The following TRAPPC9 variants were observed in gnomAD, a reference collection of about 807,000 sequenced individuals.
TRAPPC9 encodes trafficking protein particle complex subunit 9, also known as IKK2 binding protein.
TRAPPC9 carries 83 observed loss-of-function variants against 124.0 expected under a neutral mutation model. The ratio of observed to expected loss-of-function variants is 0.67; its 90% confidence interval spans 0.56 to 0.80. TRAPPC9 has a LOEUF of 0.80. Among genes scored for constraint, TRAPPC9 ranks in the 30% least tolerant of loss-of-function variants. The pLI, the probability that TRAPPC9 is intolerant of heterozygous loss-of-function variation, is 0.00. For synonymous variants in TRAPPC9, 638 were observed against 617.5 expected (o/e 1.03, Z -0.49); for missense variants, 1,302 against 1,508.3 (o/e 0.86, Z 2.27).
intron 7 of TRAPPC9, among the ~76,000 whole-genome samples, chr8:140,390,066 G>A (rs1012210893): frequency 1.3e-5 from 2 of 152,166 alleles, no homozygotes; most frequent in Non-Finnish European, 2.9e-5. Context: ...CACTTTGGGA[G>A]GCCGAGGCAG....
intron 17 of TRAPPC9, among the ~76,000 whole-genome samples, chr8:140,215,667 G>A (rs894376656): frequency 6.7e-6 from 1 of 149,126 alleles, no homozygotes; most frequent in Non-Finnish European, 1.5e-5. Flanking sequence ...AAAAGGAAAA[G>A]ACAAAGATTC....
At chr8:139,801,918 G>T (rs74361131) in intron 21 of TRAPPC9, among the ~76,000 whole-genome samples, 4 of 152,274 alleles carry the variant, frequency 2.6e-5, no homozygotes, top group African/African-American at 9.6e-5. Flanking sequence ...TGCAGAATCC[G>T]CCAGGGAGTC....
intron 15 of TRAPPC9, among the ~76,000 whole-genome samples, chr8:140,264,141 A>G (rs2064531401): frequency 6.6e-6 from 1 of 152,246 alleles, no homozygotes; most frequent in South Asian, 2.1e-4. Context: ...AGACCAGACC[A>G]GAAAGTTAGA....
intron 21 of TRAPPC9, among the ~76,000 whole-genome samples, chr8:139,746,464 G>A (rs1364054372): frequency 6.6e-6 from 1 of 152,208 alleles, no homozygotes; most frequent in Non-Finnish European, 1.5e-5. Flanking sequence ...TGCAAGATAG[G>A]CGGGCTATGG....
chr8:140,211,052 G>A (rs1251268476), intron 17 of TRAPPC9, among the ~76,000 whole-genome samples: 2 of 151,308 alleles, frequency 1.3e-5, no homozygotes, highest in African/African-American at 2.4e-5. Flanking sequence ...TTGCTCCTAA[G>A]TTGTCTTTAC....
In TRAPPC9 at chr8:140,261,433, C is replaced by T. The variant is rs552809743; in HGVS notation, c.2279-8504G>A. On this transcript the variant is annotated intron_variant, in intron 15 of 22. Coordinates refer to ENST00000438773, the MANE Select transcript of TRAPPC9 (RefSeq NM_001160372.4). ...TGAAAGCTGGGACCAGATGAGAGAT[C>T]AGGCTTCTCTCTATCTGAAAATTTC... 3.9e-5 allele frequency among the ~76,000 whole-genome samples: 6 copies of T among 152,306 alleles called. No individual in the cohort carries two copies. In the East Asian group the frequency reaches 1.2e-3, roughly 29 times the overall value.
intron 17 of TRAPPC9, among the ~76,000 whole-genome samples, chr8:140,077,170 GA>G (rs938821294): frequency 2.7e-5 from 4 of 148,264 alleles, no homozygotes; most frequent in Non-Finnish European, 6.0e-5. Flanking sequence ...TATCTCAAAA[GA>G]AAAAAAAAGG....
intron 17 of TRAPPC9, among the ~76,000 whole-genome samples, chr8:140,070,457 T>TATAC (rs1489677020): frequency 6.6e-6 from 1 of 152,204 alleles, no homozygotes; most frequent in Non-Finnish European, 1.5e-5. Flanking sequence ...ATATATAATA[T>TATAC]ATACATACCT....
chr8:140,295,939 C>T (rs1355057336), intron 11 of TRAPPC9, among the ~76,000 whole-genome samples: 2 of 152,168 alleles, frequency 1.3e-5, no homozygotes, highest in East Asian at 3.8e-4. Flanking sequence ...AGAAAAAAAT[C>T]TTACATCATC....
chr8:139,910,389 C>T, intron 19 of TRAPPC9, 89 bp from the exon 20 acceptor site: 1 of 1,262,142 alleles, frequency 7.9e-7, no homozygotes, highest in South Asian at 1.2e-5. Context: ...CAGCGTGAGA[C>T]ACTATAATGA....
chr8:140,271,523 G>A (rs2064880716), intron 15 of TRAPPC9, among the ~76,000 whole-genome samples: 1 of 152,100 alleles, frequency 6.6e-6, no homozygotes, highest in Admixed American at 6.5e-5. Context: ...AGGAGAGATG[G>A]GGAAGGGGAG....
chr8:139,985,549 A>G (rs184526491), intron 19 of TRAPPC9, among the ~76,000 whole-genome samples: 3 of 152,212 alleles, frequency 2.0e-5, no homozygotes, highest in South Asian at 4.2e-4. Flanking sequence ...AGAAGCATAC[A>G]CCAGCCCCAC....
chr8:140,059,520 C>T lies in TRAPPC9; in HGVS notation c.2557-35441G>A, dbSNP rs991332558. On this transcript the variant is annotated intron_variant, in intron 17 of 22. Transcript: ENST00000438773. ...GCTATATGTTTAACTTTAAAAGAAACTGATGAATAGTTCAACAAAGTAGCC... is the reference window on the plus strand; with the variant it reads ...GCTATATGTTTAACTTTAAAAGAAATTGATGAATAGTTCAACAAAGTAGCC... 2.6e-5 allele frequency among the ~76,000 whole-genome samples: 4 copies of T among 152,178 alleles called. No individual in the cohort carries two copies. The South Asian group carries it at 8.3e-4, about 31-fold the overall frequency.
intron 9 of TRAPPC9, among the ~76,000 whole-genome samples, chr8:140,315,189 T>C (rs1045406199): frequency 4.0e-5 from 6 of 151,750 alleles, no homozygotes; most frequent in Middle Eastern, 3.2e-3. Context: ...TGATGATTAG[T>C]GATGTTAAGC....
upstream of TRAPPC9, chr8:140,458,578 T>G (rs954804324): frequency 2.6e-6 from 4 of 1,559,366 alleles, no homozygotes; most frequent in Non-Finnish European, 3.5e-6. Context: ...ACTCCCGACT[T>G]TGAGGGCCCC....
At chr8:140,423,498 A>G (rs377417297) in intron 5 of TRAPPC9, among the ~76,000 whole-genome samples, 11 of 152,094 alleles carry the variant, frequency 7.2e-5, no homozygotes, top group African/African-American at 2.4e-4. Flanking sequence ...TGCTTATAAC[A>G]TCATTATTCA....
intron 9 of TRAPPC9, among the ~76,000 whole-genome samples, chr8:140,321,857 A>G (rs1272991068): frequency 6.6e-6 from 1 of 152,200 alleles, no homozygotes; most frequent in African/African-American, 2.4e-5. Context: ...GGCAGCTGCC[A>G]CAGAAATCCA....
chr8:139,889,695 G>A lies in TRAPPC9; in HGVS notation c.2965-3726C>T, dbSNP rs138551879. 1.6e-4 allele frequency among the ~76,000 whole-genome samples: 24 copies of A among 152,346 alleles called. No individual in the cohort carries two copies. The East Asian group carries it at 3.9e-3, about 24-fold the overall frequency. The stretch of plus-strand genomic sequence containing the variant: ...GGCTATAATTAGGAAGCAGAGCGAC[G>A]CTAAGGAAGCCCGGAGGAAGCCATA... On this transcript the variant is annotated intron_variant, in intron 20 of 22. Coordinates refer to ENST00000438773, the MANE Select transcript of TRAPPC9 (RefSeq NM_001160372.4).
chr8:140,115,422 A>G (rs2060860828), intron 17 of TRAPPC9, among the ~76,000 whole-genome samples: 2 of 151,990 alleles, frequency 1.3e-5, no homozygotes, highest in African/African-American at 4.8e-5. Context: ...TCCTGACACC[A>G]CACCTGGCGA....
Sources: gnomAD v4.1 joint callset for allele counts (sites outside exome capture counted in the v4.1 genomes callset) on GRCh38, gnomAD v4.1.1 for gene constraint, MANE v1.5 for transcripts, NCBI Gene and HGNC (gene_info 2026-07-23, HGNC 2026-07-21) for gene names.